Variants in RYR1 observed in about 807,000 individuals in gnomAD.
RYR1 encodes central core disease of muscle.
A neutral mutation model predicts 583.5 loss-of-function variants in RYR1; 342 were observed. The ratio of observed to expected loss-of-function variants is 0.59; its 90% CI spans 0.54 to 0.64. The LOEUF is 0.64. Among genes scored for constraint, RYR1 ranks in the 30% least tolerant of loss-of-function variants. The pLI is 0.00. For synonymous variants in RYR1, 2,791 were observed against 2,822.5 expected (o/e 0.99, Z 0.35); for missense variants, 6,032 against 6,917.2 (o/e 0.87, Z 4.54).
intron 101 of RYR1, among the ~76,000 whole-genome samples, chr19:38,584,634 C>T (rs1473830878): frequency 9.9e-6 from 1 of 101,286 alleles, no homozygotes; most frequent in Non-Finnish European, 2.1e-5. Flanking sequence ...AGCCCTGACC[C>T]CTCTGCCTGT....
At chr19:38,567,403 C>T (rs927775386) in intron 92 of RYR1, among the ~76,000 whole-genome samples, 15 of 152,180 alleles carry the variant, frequency 9.9e-5, no homozygotes, top group Middle Eastern at 3.4e-3. Context: ...TGTGCTTTCC[C>T]GCTGCCTGGA....
At chr19:38,542,085 C>T (rs898707089) in intron 84 of RYR1, among the ~76,000 whole-genome samples, 1 of 150,000 alleles carries the variant, frequency 6.7e-6, no homozygotes, top group African/African-American at 2.4e-5. Context: ...AAAAAAATCC[C>T]CCCCAAGGCC....
At chr19:38,511,292 T>A (rs1970714094) in intron 60 of RYR1, among the ~76,000 whole-genome samples, 1 of 151,838 alleles carries the variant, frequency 6.6e-6, no homozygotes, top group Non-Finnish European at 1.5e-5. Flanking sequence ...CAAGACCCTG[T>A]CTAAAAAAAA....
rs200855514 is a variant in RYR1 at position 38,517,458 on chromosome 19, G to C, written c.9785G>C (p.Arg3262Pro). 1 of 1,614,044 alleles carries C rather than the reference G, an allele frequency of 6.2e-7. No homozygotes were observed. The highest frequency in any genetic ancestry group is 1.1e-5 in the South Asian group (1 of 91,080). ...DIGGLAESGA[R>P]YTEMPHVIEI... ...GGGGGGCTGGCCGAGTCAGGTGCCC[G>C]CTACACAGAGATGCCGCATGTCATC... Residue 3262 changes from arginine (R) to proline (P), a missense_variant, in exon 66 of 106, where the codon CGC (arginine) becomes CCC (proline). Physicochemically the swap from Arg to Pro is moderately radical, Grantham distance 103. Coordinates refer to ENST00000359596, the MANE Select transcript of RYR1 (RefSeq NM_000540.3).
Position 38,474,564 on chromosome 19 carries a change from C to CTT in RYR1, c.4161-727_4161-726dup, listed in dbSNP as rs970000046. ...AGACATGAGCTACCACGCCCGGCTC[C>CTT]TTTTTTTTTTTTTTTTTTTTTTTTT... is the stretch of plus-strand genomic sequence containing the variant. On this transcript the variant is annotated intron_variant, in intron 28 of 105. Coordinates refer to ENST00000359596, the MANE Select transcript of RYR1 (RefSeq NM_000540.3). Among the ~76,000 whole-genome samples the CTT allele has an allele frequency of 6.8e-3, 599 of 88,214 alleles. 85 individuals are homozygous for CTT. The highest frequency in any genetic ancestry group is 8.5e-3 in the South Asian group (19 of 2,244). The allele number at this position is 88,214 out of a possible 152,430, so 57.9% of individuals were successfully genotyped here. A position where few individuals can be genotyped will look rare whatever the true frequency, so the allele number is the denominator to read the frequency against.
At chr19:38,528,496 A>G in intron 74 of RYR1, 78 bp downstream of exon 74, 1 of 1,590,548 alleles carries the variant, frequency 6.3e-7, no homozygotes, top group South Asian at 1.1e-5. Flanking sequence ...ATGGAGGGCC[A>G]ACGTGATGGG....
At position 38,467,718 on chromosome 19, in the gene RYR1, C is replaced by T; in HGVS notation, c.3287C>T (p.Thr1096Ile). ...TACTTCGAGTTTGAAGCAGTCACCACAGGCGAGATGCGCGTGGGCTGGGCG... is the reference window on the plus strand; with the variant it reads ...TACTTCGAGTTTGAAGCAGTCACCATAGGCGAGATGCGCGTGGGCTGGGCG... ...RWYFEFEAVT[T>I]GEMRVGWARP... is the part of the protein sequence containing the mutation. Residue 1096 changes from threonine to isoleucine, a missense_variant, in exon 25 of 106, where the codon ACA becomes ATA. Around this residue, in one of 11 missense-constraint regions of RYR1, gnomAD observed 2,627 missense variants for 2,961.3 expected, o/e 0.89. Transcript: ENST00000359596. 6.2e-7 allele frequency: 1 copy of T among 1,614,256 alleles called. No individual in the cohort carries two copies. Among genetic ancestry groups the T allele is most frequent in the East Asian group, 2.2e-5 (1 of 44,892 alleles).
chr19:38,500,387 G>A lies in RYR1; in HGVS notation c.7324-219G>A, dbSNP rs1377157212. Among the ~76,000 whole-genome samples, 4 of 146,950 alleles carry A rather than the reference G, an allele frequency of 2.7e-5. No homozygotes were observed. The highest frequency in any genetic ancestry group is 4.5e-5 in the Non-Finnish European group (3 of 66,596). On this transcript the variant is annotated intron_variant, in intron 45 of 105. Coordinates refer to ENST00000359596, the MANE Select transcript of RYR1 (RefSeq NM_000540.3). The surrounding 1 kb of genome is among the most constrained non-coding windows in gnomAD (Gnocchi z 5.9). ...GGGGTCGGGGCCAGGATGAGGGGTC[G>A]CAGGGAGAGGGGTCAGGATGAGGTT...
chr19:38,453,409 G>A (rs905805585), intron 13 of RYR1, among the ~76,000 whole-genome samples: 33 of 152,036 alleles, frequency 2.2e-4, no homozygotes, highest in Non-Finnish European at 4.0e-4. Context: ...CCGACTCAGC[G>A]GGCGGGGTCT....
At position 38,448,742 on chromosome 19, in the gene RYR1, G is replaced by A; in HGVS notation, c.1051G>A (p.Ala351Thr). The change falls in exon 11 of 106, where the codon GCC becomes ACC. Residue 351 changes from alanine to threonine, a missense_variant. This residue lies in a region of RYR1 where 338 missense variants were observed against 441.6 expected (regional missense o/e 0.77). Coordinates refer to ENST00000359596, the MANE Select transcript of RYR1 (RefSeq NM_000540.3). Reference protein sequence around the residue: ...GESLCFVQHVASGLWLTYAAP... With the variant: ...GESLCFVQHVTSGLWLTYAAP... ...GTCACTGTGCTTCGTGCAGCATGTG[G>A]CCTCAGGACTGTGGCTCACCTATGC... 1 of 1,614,254 alleles carries A rather than the reference G, an allele frequency of 6.2e-7. No individual in the cohort carries two copies. The highest frequency in any genetic ancestry group is 8.5e-7 in the Non-Finnish European group (1 of 1,180,052).
intron 73 of RYR1, 110 bp downstream of exon 73, chr19:38,527,894 C>A: frequency 7.4e-7 from 1 of 1,343,746 alleles, no homozygotes; most frequent in Non-Finnish European, 1.0e-6. Flanking sequence ...AGTTTTGGGG[C>A]AGGGCAGGAG....
At position 38,494,503 on chromosome 19, in the gene RYR1, C is replaced by G; in HGVS notation, c.6426C>G (p.Tyr2142Ter). 6.2e-7 allele frequency: 1 copy of G among 1,613,678 alleles called. No homozygotes were observed. The highest frequency in any genetic ancestry group is 8.5e-7 in the Non-Finnish European group (1 of 1,180,036). The change falls in exon 39 of 106, where the codon TAC becomes TAG. Residue 2142 changes from tyrosine to a stop codon, truncating the protein, a stop_gained. Transcript: ENST00000359596. LOFTEE classifies it high-confidence loss of function. ...TGCTGCGTGCCCTGCCGCGGGCGTACACCATCTCACCGTCCTCCGTGGAAG... is the reference window on the plus strand; with the variant it reads ...TGCTGCGTGCCCTGCCGCGGGCGTAGACCATCTCACCGTCCTCCGTGGAAG... ...GELLRALPRA[Y>*]TISPSSVEDT...
At chr19:38,574,796 T>C (rs1973882238) in intron 96 of RYR1, among the ~76,000 whole-genome samples, 1 of 152,122 alleles carries the variant, frequency 6.6e-6, no homozygotes, top group Admixed American at 6.6e-5. Context: ...TCCTAGCACT[T>C]TGGGAGGCCG....
intron 78 of RYR1, among the ~76,000 whole-genome samples, chr19:38,533,454 A>G (rs1971829747): frequency 6.6e-6 from 1 of 152,232 alleles, no homozygotes; most frequent in East Asian, 1.9e-4. Context: ...TATTTTAAAA[A>G]TGAATTTGTG....
chr19:38,512,311 G>C lies in RYR1; in HGVS notation c.9300G>C (p.Ser3100=). The change falls in exon 63 of 106, where the codon TCG becomes TCC. Residue 3100 remains serine (S), a synonymous_variant. Transcript: ENST00000359596. The surrounding 1 kb of genome is among the most constrained non-coding windows in gnomAD (Gnocchi z 5.1). ...TCCGCTCCTTCTTCGAGAGTGCCTC[G>C]GAGGACATCGAGAAGATGGTGGAGA... ...AGLRSFFESA[S]EDIEKMVENL... The C allele has an allele frequency of 6.2e-7, 1 of 1,614,228 alleles. No individual in the cohort carries two copies. Among genetic ancestry groups the C allele is most frequent in the Non-Finnish European group, 8.5e-7 (1 of 1,180,044 alleles).
intron 72 of RYR1, among the ~76,000 whole-genome samples, 181 bp downstream of exon 72, chr19:38,527,233 G>A (rs907289644): frequency 8.5e-5 from 13 of 152,184 alleles, no homozygotes; most frequent in African/African-American, 1.7e-4. Flanking sequence ...CAATTAGGCC[G>A]GGCACAATGG....
At chr19:38,522,757 G>A (rs568325865) in intron 67 of RYR1, among the ~76,000 whole-genome samples, 2 of 151,740 alleles carry the variant, frequency 1.3e-5, no homozygotes, top group Non-Finnish European at 2.9e-5. Flanking sequence ...CAAGACCAGC[G>A]TGCCCAACAT....
At chr19:38,507,083 G>A (rs1970492306) in intron 57 of RYR1, 131 bp downstream of exon 57, 2 of 1,435,800 alleles carry the variant, frequency 1.4e-6, no homozygotes, top group Non-Finnish European at 1.9e-6. Context: ...AACCAGAGGG[G>A]AGGAGCTAAG....
chr19:38,585,123 A>G, intron 102 of RYR1, 24 bp downstream of exon 102: 1 of 1,611,716 alleles, frequency 6.2e-7, no homozygotes, highest in African/African-American at 1.3e-5. Context: ...GTGGGCGCTC[A>G]GGGCCCGGAG....
Sources: allele counts gnomAD v4.1 joint callset (sites outside exome capture counted in the v4.1 genomes callset), GRCh38; gene constraint gnomAD v4.1.1; regional missense constraint gnomAD v4.1.1; non-coding constraint Gnocchi (gnomAD v3.1); transcripts MANE v1.5; gene names NCBI Gene and HGNC (gene_info 2026-07-23, HGNC 2026-07-21).